The following ITGB5 variants were observed in gnomAD, a reference collection of about 807,000 sequenced individuals.
ITGB5 encodes integrin beta-5.
In ITGB5, 38 loss-of-function variants were observed where a neutral mutation model predicts 84.8. That is an observed-to-expected ratio of 0.45 (90% CI 0.35 to 0.59). The LOEUF (loss-of-function observed/expected upper bound fraction) is 0.59, where lower values mean the gene tolerates loss of function less well. Among genes scored for constraint, ITGB5 ranks in the 20% least tolerant of loss-of-function variants. The probability of loss-of-function intolerance (pLI) is 0.01; values close to 1 mark genes in which losing one functional copy is unlikely to be tolerated. For synonymous variants in ITGB5, 393 were observed against 414.4 expected (o/e 0.95, Z 0.63); for missense variants, 905 against 1,034.5 (o/e 0.87, Z 1.72).
chr3:124,848,752 T>C (rs971229677), intron 3 of ITGB5, among the ~76,000 whole-genome samples, 194 bp from the exon 4 acceptor site: 7 of 151,588 alleles, frequency 4.6e-5, no homozygotes, highest in African/African-American at 1.7e-4. Context: ...TTCTCCTTCC[T>C]AAACATTCGG....
intron 1 of ITGB5, among the ~76,000 whole-genome samples, chr3:124,895,926 T>C (rs969294100): frequency 5.3e-5 from 8 of 152,238 alleles, no homozygotes; most frequent in East Asian, 1.9e-4. Flanking sequence ...AGTTTGCTCA[T>C]CTGGAAAGTG....
intron 5 of ITGB5, among the ~76,000 whole-genome samples, chr3:124,828,861 G>A (rs1020769017): frequency 1.3e-5 from 2 of 152,112 alleles, no homozygotes; most frequent in African/African-American, 2.4e-5. Flanking sequence ...ATCTGATTTC[G>A]GTCCCATGTC....
chr3:124,764,290 T>G, intron 14 of ITGB5, 101 bp downstream of exon 14: 2 of 1,265,492 alleles, frequency 1.6e-6, no homozygotes. Flanking sequence ...TTGTTTTTAA[T>G]GCCAAAGACA....
Position 124,799,351 on chromosome 3 carries a change from G to A in ITGB5, c.1264-2534C>T, listed in dbSNP as rs537350382. ...GACTGGGAGGATCACTTGAGGCCAG[G>A]AGTTCGAGACCAACCTGGACAACAT... On this transcript the variant is annotated intron_variant, in intron 9 of 14. Transcript: ENST00000296181. Among the ~76,000 whole-genome samples, 3 of 152,314 alleles carry A rather than the reference G, an allele frequency of 2.0e-5. No homozygotes were observed. The East Asian group carries it at 5.8e-4, about 29-fold the overall frequency.
intron 11 of ITGB5, 111 bp downstream of exon 11, chr3:124,773,579 G>C: frequency 2.3e-6 from 2 of 882,186 alleles, no homozygotes; most frequent in Non-Finnish European, 3.6e-6. Context: ...TTGCTGGGTG[G>C]GAGATGCAGG....
chr3:124,882,967 T>C (rs1224102273), intron 1 of ITGB5, among the ~76,000 whole-genome samples: 2 of 152,184 alleles, frequency 1.3e-5, no homozygotes, highest in Non-Finnish European at 2.9e-5. Flanking sequence ...TGGGTGCCTC[T>C]AAATAAAGCA....
At chr3:124,887,489 C>T (rs934287225), upstream of ITGB5, 2 of 187,862 alleles carry the variant, frequency 1.1e-5, no homozygotes, top group Non-Finnish European at 2.3e-5. Context: ...GGTCAGCTTA[C>T]GGTGAGGCGG....
intron 1 of ITGB5, among the ~76,000 whole-genome samples, chr3:124,896,897 CAAAAGAA>C (rs1241221546): frequency 2.0e-5 from 2 of 98,366 alleles, no homozygotes; most frequent in Non-Finnish European, 4.2e-5. Flanking sequence ...CTTGTCTCTA[CAAAAGAA>C]AAAAGAAAAG....
chr3:124,788,487 G>A (rs137857224), intron 10 of ITGB5, among the ~76,000 whole-genome samples: 10 of 152,316 alleles, frequency 6.6e-5, no homozygotes, highest in African/African-American at 2.4e-4. Flanking sequence ...GTACGTGGTA[G>A]CCTGCAGAAG....
chr3:124,840,062 G>A (rs997489726), intron 5 of ITGB5, among the ~76,000 whole-genome samples: 5 of 152,220 alleles, frequency 3.3e-5, no homozygotes, highest in Admixed American at 6.5e-5. Flanking sequence ...ATTTCAGAAA[G>A]GACAACTGGG....
chr3:124,808,932 G>T (rs1022649789), intron 9 of ITGB5, 90 bp downstream of exon 9: 2 of 1,375,492 alleles, frequency 1.5e-6, no homozygotes, highest in African/African-American at 2.9e-5. Flanking sequence ...AATTCCGAAA[G>T]GACTCTTAAT....
intron 9 of ITGB5, among the ~76,000 whole-genome samples, chr3:124,804,252 A>G (rs2064359874): frequency 6.6e-6 from 1 of 152,168 alleles, no homozygotes; most frequent in Admixed American, 6.6e-5. Context: ...GGCTGGGCAC[A>G]GTGGCTCATG....
At chr3:124,826,142 C>A (rs570118671) in intron 5 of ITGB5, among the ~76,000 whole-genome samples, 1 of 152,284 alleles carries the variant, frequency 6.6e-6, no homozygotes, top group South Asian at 2.1e-4. Context: ...GTGGTTGGGA[C>A]TGGGGTTAAA....
chr3:124,828,291 G>C (rs546786519), intron 5 of ITGB5, among the ~76,000 whole-genome samples: 1 of 152,308 alleles, frequency 6.6e-6, no homozygotes, highest in South Asian at 2.1e-4. Flanking sequence ...TCCATTAACA[G>C]ATGAATGGAT....
chr3:124,803,328 G>A (rs1028219740), intron 9 of ITGB5, among the ~76,000 whole-genome samples: 5 of 152,086 alleles, frequency 3.3e-5, no homozygotes, highest in Admixed American at 1.3e-4. Flanking sequence ...CTTGGCTCCC[G>A]ATGCTTGAGG....
chr3:124,876,425 C>A lies in ITGB5; in HGVS notation c.71-2894G>T, dbSNP rs538976418. ...CTAATTTGCTAATTTTAACTCCCTG[C>A]TTCTCCTTTGTCACTAGCAGTAAAA... is the stretch of plus-strand genomic sequence containing the variant. On this transcript the variant is annotated intron_variant, in intron 1 of 14. Transcript: ENST00000296181. 4.6e-5 allele frequency among the ~76,000 whole-genome samples: 7 copies of A among 152,166 alleles called. No individual in the cohort carries two copies. The South Asian group carries it at 1.5e-3, about 32-fold the overall frequency.
intron 2 of ITGB5, chr3:124,862,196 T>G (rs1420037966): frequency 6.6e-6 from 1 of 152,252 alleles, no homozygotes; most frequent in Admixed American, 6.5e-5. Flanking sequence ...CAGTTCTGTT[T>G]GTCAAGGTGC....
At chr3:124,855,966 CTTGTTG>C (rs895652176) in intron 3 of ITGB5, among the ~76,000 whole-genome samples, 1 of 151,870 alleles carries the variant, frequency 6.6e-6, no homozygotes, top group African/African-American at 2.4e-5. Context: ...ATTTTGGGTT[CTTGTTG>C]TTGTTGTTGT....
At chr3:124,821,533 T>C (rs1252516490) in intron 5 of ITGB5, 59 bp from the exon 6 acceptor site, 2 of 1,549,086 alleles carry the variant, frequency 1.3e-6, no homozygotes, top group Admixed American at 1.7e-5. Flanking sequence ...GCCCTGGTCA[T>C]GCAGGGCACT....
Sources: allele counts gnomAD v4.1 joint callset (sites outside exome capture counted in the v4.1 genomes callset), GRCh38; gene constraint gnomAD v4.1.1; transcripts MANE v1.5; gene names NCBI Gene and HGNC (gene_info 2026-07-23, HGNC 2026-07-21).